IFFO2: variants seen among roughly 807,000 people sequenced by gnomAD.
The protein encoded by IFFO2 is intermediate filament family orphan 2.
In IFFO2, 19 loss-of-function variants were observed where a neutral mutation model predicts 53.5. The ratio of observed to expected loss-of-function variants is 0.36; its 90% confidence interval spans 0.25 to 0.52. IFFO2 has a LOEUF of 0.52. Ranked by LOEUF, IFFO2 falls within the 20% of genes least tolerant of loss-of-function variation. IFFO2 has a pLI of 0.94. For missense variants in IFFO2, 570 were observed against 727.4 expected, an observed-to-expected ratio of 0.78 and a Z score of 2.49; for synonymous variants, 303 against 313.6, an observed-to-expected ratio of 0.97 and a Z score of 0.36.
At chr1:18,941,803 A>AC (rs1936525471) in intron 1 of IFFO2, among the ~76,000 whole-genome samples, 1 of 152,118 alleles carries the variant, frequency 6.6e-6, no homozygotes, top group Non-Finnish European at 1.5e-5. Context: ...AATCCACACA[A>AC]CGGGGAGGCT....
At chr1:18,943,132 C>T (rs547476038) in intron 1 of IFFO2, among the ~76,000 whole-genome samples, 41 of 152,200 alleles carry the variant, frequency 2.7e-4, no homozygotes, top group Admixed American at 5.9e-4. Flanking sequence ...TTTGGGAGGC[C>T]AAGGCAGGAG....
Position 18,911,387 on chromosome 1 carries a change from G to T in IFFO2, c.1314C>A (p.Ile438=). The change falls in exon 7 of 9, where the codon ATC becomes ATA. Residue 438 remains isoleucine (I), a synonymous_variant. Coordinates refer to ENST00000455833, the MANE Select transcript of IFFO2 (RefSeq NM_001136265.2). ...DKEYQETIGQ[I]ELELATAKSD... is the part of the protein sequence containing the mutation. ...GCTCCACGTCCCGAGCCCTCACCTC[G>T]ATCTGACCTATCGTTTCCTGGTACT... is the stretch of plus-strand genomic sequence containing the variant. 6.6e-7 allele frequency: 1 copy of T among 1,506,340 alleles called. No individual in the cohort carries two copies. Among genetic ancestry groups the T allele is most frequent in the Non-Finnish European group, 8.9e-7 (1 of 1,123,982 alleles). The allele number at this position is 1,506,340 out of a possible 1,614,324, so 93.3% of individuals were successfully genotyped here.
intron 7 of IFFO2, 146 bp downstream of exon 7, chr1:18,911,238 G>A (rs181148858): frequency 5.4e-5 from 22 of 408,704 alleles, no homozygotes; most frequent in African/African-American, 1.9e-4. Flanking sequence ...GACATTACTC[G>A]CCCCGAGGCC....
intron 1 of IFFO2, among the ~76,000 whole-genome samples, chr1:18,924,293 C>G (rs557161347): frequency 6.6e-6 from 1 of 151,282 alleles, no homozygotes; most frequent in East Asian, 2.0e-4. Context: ...CCAGGGAGCA[C>G]TCAGCTTAAC....
At chr1:18,952,208 G>T (rs1270654360) in intron 1 of IFFO2, among the ~76,000 whole-genome samples, 2 of 152,202 alleles carry the variant, frequency 1.3e-5, no homozygotes, top group Non-Finnish European at 2.9e-5. Flanking sequence ...AGAGATGTTT[G>T]TTTTGGTTTC....
In IFFO2 at chr1:18,917,165, C is replaced by A; in HGVS notation, c.964-123G>T. 1 of 1,114,076 alleles carries A rather than the reference C, an allele frequency of 9.0e-7. No homozygotes were observed. The highest frequency in any genetic ancestry group is 1.3e-6 in the Non-Finnish European group (1 of 789,764). The allele number at this position is 1,114,076 out of a possible 1,614,324, so 69.0% of individuals were successfully genotyped here. On this transcript the variant is annotated intron_variant, in intron 4 of 8. Coordinates refer to ENST00000455833, the MANE Select transcript of IFFO2 (RefSeq NM_001136265.2). This position sits in a 1 kb window ranked among gnomAD's most constrained non-coding sequence, Gnocchi z 5.9. ...GAGCGTGACTGGGGCCGGCCAGTGCCAGGAAAGGTGCAGGTCCTCTAAGAA... is the reference window on the plus strand; with the variant it reads ...GAGCGTGACTGGGGCCGGCCAGTGCAAGGAAAGGTGCAGGTCCTCTAAGAA...
At chr1:18,924,639 G>A (rs1936257555) in intron 1 of IFFO2, among the ~76,000 whole-genome samples, 1 of 152,224 alleles carries the variant, frequency 6.6e-6, no homozygotes, top group South Asian at 2.1e-4. Context: ...TTCGAACCCA[G>A]GTCTGACAGA....
chr1:18,947,991 C>A lies in IFFO2; in HGVS notation c.665+7677G>T, dbSNP rs1187198277. ...TGACCTTGGGGTCCAGAGACCCAGA[C>A]GGACTCGTGGCGAGATCTGGGACAG... On this transcript the variant is annotated intron_variant, in intron 1 of 8. Transcript: ENST00000455833. This position sits in a 1 kb window ranked among gnomAD's most constrained non-coding sequence, Gnocchi z 5.0. 6.6e-6 allele frequency among the ~76,000 whole-genome samples: 1 copy of A among 152,182 alleles called. No homozygotes were observed. The highest frequency in any genetic ancestry group is 6.5e-5 in the Admixed American group (1 of 15,292).
intron 1 of IFFO2, among the ~76,000 whole-genome samples, chr1:18,923,437 C>A (rs1237989181): frequency 1.3e-5 from 2 of 152,196 alleles, no homozygotes; most frequent in Non-Finnish European, 2.9e-5. Flanking sequence ...AGCAGGAGCC[C>A]AGATCTTTGG....
At chr1:18,946,484 G>A (rs1279585134) in intron 1 of IFFO2, among the ~76,000 whole-genome samples, 5 of 143,680 alleles carry the variant, frequency 3.5e-5, no homozygotes, top group African/African-American at 1.0e-4. Flanking sequence ...GCGAGATCTC[G>A]GTTCACTGCA....
chr1:18,923,779 C>T (rs1289127644), intron 1 of IFFO2, among the ~76,000 whole-genome samples: 4 of 152,092 alleles, frequency 2.6e-5, no homozygotes, highest in African/African-American at 7.2e-5. Context: ...AAGCTGGTTC[C>T]GCAGGCGAGG....
chr1:18,953,511 G>C (rs1464803744), intron 1 of IFFO2, among the ~76,000 whole-genome samples: 2 of 151,956 alleles, frequency 1.3e-5, no homozygotes, highest in Non-Finnish European at 2.9e-5. Flanking sequence ...AGATATTCAA[G>C]GAAACCCTAA....
intron 1 of IFFO2, among the ~76,000 whole-genome samples, chr1:18,941,196 T>C (rs187838318): frequency 1.3e-5 from 2 of 152,352 alleles, no homozygotes; most frequent in Non-Finnish European, 2.9e-5. Flanking sequence ...AACACTGCAG[T>C]GGGCATACAG....
At chr1:18,920,964 G>T in intron 2 of IFFO2, 97 bp downstream of exon 2, 1 of 1,053,214 alleles carries the variant, frequency 9.5e-7, no homozygotes, top group Non-Finnish European at 1.4e-6. Context: ...TAGGGGCTGT[G>T]CAAGAATTTC....
Position 18,908,148 on chromosome 1 carries a change from C to T in IFFO2, c.*413G>A, listed in dbSNP as rs867562012. ...TGGCCAATCAGAGGAGCAGGTGGGACGGACGGCAGAAACCACATTACACCA... is the reference window on the plus strand; with the variant it reads ...TGGCCAATCAGAGGAGCAGGTGGGATGGACGGCAGAAACCACATTACACCA... On this transcript the variant is annotated 3_prime_UTR_variant, in exon 9 of 9. Coordinates refer to ENST00000455833, the MANE Select transcript of IFFO2 (RefSeq NM_001136265.2). 15 of 211,690 alleles carry T rather than the reference C, an allele frequency of 7.1e-5. No individual in the cohort carries two copies. Among genetic ancestry groups the T allele is most frequent in the South Asian group, 2.9e-4 (4 of 13,632 alleles). The allele number at this position is 211,690 out of a possible 1,614,324, so 13.1% of individuals were successfully genotyped here. A position where few individuals can be genotyped will look rare whatever the true frequency, so the allele number is the denominator to read the frequency against.
At chr1:18,932,339 T>G (rs886804031) in intron 1 of IFFO2, among the ~76,000 whole-genome samples, 1 of 152,238 alleles carries the variant, frequency 6.6e-6, no homozygotes, top group Non-Finnish European at 1.5e-5. Context: ...AATGGTCTGT[T>G]TCTTTCTGGC....
chr1:18,949,384 G>A (rs532940358), intron 1 of IFFO2, among the ~76,000 whole-genome samples: 1 of 152,382 alleles, frequency 6.6e-6, no homozygotes, highest in African/African-American at 2.4e-5. Flanking sequence ...GTGATCGGGA[G>A]GTGGTGGGTG....
chr1:18,910,264 C>T (rs2100639499), intron 8 of IFFO2, 78 bp downstream of exon 8: 1 of 1,504,518 alleles, frequency 6.6e-7, no homozygotes, highest in Non-Finnish European at 9.0e-7. Context: ...GGGAGCATGA[C>T]ACATGGCCGA....
rs887046229 is a variant in IFFO2, at chr1:18,928,704, T to C, written c.666-7583A>G. Among the ~76,000 whole-genome samples, 1 of 152,204 alleles carries C rather than the reference T, an allele frequency of 6.6e-6. No individual in the cohort carries two copies. Among genetic ancestry groups the C allele is most frequent in the Non-Finnish European group, 1.5e-5 (1 of 68,032 alleles). ...TGGGCTAGGAAGCAGGAGGTCCTGG[T>C]TCATGCCCTGGCTGCGTTGCTAATT... is the stretch of plus-strand genomic sequence containing the variant. On this transcript the variant is annotated intron_variant, in intron 1 of 8. Transcript: ENST00000455833. The surrounding 1 kb of genome is among the most constrained non-coding windows in gnomAD (Gnocchi z 4.9).
Sources: allele counts gnomAD v4.1 joint callset (sites outside exome capture counted in the v4.1 genomes callset), GRCh38; gene constraint gnomAD v4.1.1; non-coding constraint Gnocchi (gnomAD v3.1); transcripts MANE v1.5; gene names NCBI Gene and HGNC (gene_info 2026-07-23, HGNC 2026-07-21).